Variants in RMDN2 observed in about 807,000 individuals in gnomAD.
The protein encoded by RMDN2 is regulator of microtubule dynamics 2.
In RMDN2, 61 loss-of-function variants were observed where a neutral mutation model predicts 52.8. That is an observed-to-expected ratio of 1.16 (90% confidence interval 0.94 to 1.43). The LOEUF is 1.43. Ranked by LOEUF, RMDN2 falls within the 40% of genes most tolerant of loss-of-function variation. The probability of loss-of-function intolerance (pLI) is 0.00; values close to 1 mark genes in which losing one functional copy is unlikely to be tolerated. For missense variants in RMDN2, 592 were observed against 475.3 expected (o/e 1.25, Z -2.28); for synonymous variants, 180 against 153.1 (o/e 1.18, Z -1.30).
chr2:38,038,693 G>C (rs1680757401), intron 10 of RMDN2, among the ~76,000 whole-genome samples: 1 of 152,196 alleles, frequency 6.6e-6, no homozygotes, highest in African/African-American at 2.4e-5. Context: ...CCCAGTAAAA[G>C]CCTTTTGGAA....
intron 10 of RMDN2, among the ~76,000 whole-genome samples, chr2:38,010,527 C>T (rs557830009): frequency 9.2e-5 from 14 of 152,220 alleles, no homozygotes; most frequent in Non-Finnish European, 7.3e-5. Context: ...GGGATATAAT[C>T]TCCTGGTGTG....
At chr2:37,933,590 C>T (rs1014325774) in intron 2 of RMDN2, among the ~76,000 whole-genome samples, 26 of 152,384 alleles carry the variant, frequency 1.7e-4, no homozygotes, top group African/African-American at 5.5e-4. Flanking sequence ...GCCAACACAG[C>T]GAAACCCCGT....
intron 10 of RMDN2, among the ~76,000 whole-genome samples, chr2:38,010,124 G>T (rs1677739988): frequency 6.6e-6 from 1 of 152,142 alleles, no homozygotes; most frequent in Non-Finnish European, 1.5e-5. Flanking sequence ...TGCCCTTGCT[G>T]GGTGGTGCCT....
At chr2:37,960,430 A>G (rs1670053646) in intron 2 of RMDN2, among the ~76,000 whole-genome samples, 1 of 151,970 alleles carries the variant, frequency 6.6e-6, no homozygotes, top group Non-Finnish European at 1.5e-5. Flanking sequence ...TTGTTGTTTT[A>G]AAGTCTGTTT....
intron 2 of RMDN2, chr2:37,950,378 C>T: frequency 1.4e-6 from 2 of 1,461,252 alleles, no homozygotes; most frequent in South Asian, 1.2e-5. Context: ...GAAAGGTGAG[C>T]TACAGAACAG....
chr2:38,032,012 G>A (rs1045371655), intron 10 of RMDN2, among the ~76,000 whole-genome samples: 1 of 152,100 alleles, frequency 6.6e-6, no homozygotes, highest in African/African-American at 2.4e-5. Flanking sequence ...AAAAAAGTGA[G>A]TGCTCTCTCT....
At chr2:37,970,624 G>T (rs1453995193) in intron 2 of RMDN2, among the ~76,000 whole-genome samples, 1 of 152,004 alleles carries the variant, frequency 6.6e-6, no homozygotes. Flanking sequence ...TGGATATATG[G>T]CAGATTTCAC....
intron 5 of RMDN2, among the ~76,000 whole-genome samples, chr2:37,986,742 G>A (rs1391771418): frequency 6.6e-6 from 1 of 151,992 alleles, no homozygotes; most frequent in East Asian, 1.9e-4. Flanking sequence ...CATTGATAGT[G>A]CAAAGAAAGA....
At chr2:38,017,160 A>T in intron 10 of RMDN2, 26 bp from the exon 11 acceptor site, 1 of 1,422,944 alleles carries the variant, frequency 7.0e-7, no homozygotes, top group Non-Finnish European at 9.5e-7. Flanking sequence ...ATGAAATTTC[A>T]TTATGTATTT....
chr2:37,985,031 C>CA (rs531667416), intron 5 of RMDN2, among the ~76,000 whole-genome samples: 2 of 151,322 alleles, frequency 1.3e-5, no homozygotes, highest in East Asian at 3.9e-4. Flanking sequence ...AAGCAGATTC[C>CA]AAAAAAATAT....
intron 4 of RMDN2, among the ~76,000 whole-genome samples, chr2:37,980,635 TC>T (rs1673184489): frequency 6.6e-6 from 1 of 152,282 alleles, no homozygotes; most frequent in East Asian, 1.9e-4. Flanking sequence ...TAAAAATTCC[TC>T]TAAAACTAAG....
At chr2:38,036,665 A>G (rs336033) in intron 10 of RMDN2, 107,794 of 152,184 alleles carry the variant, frequency 0.71, 39,780 homozygotes, top group African/African-American at 0.92. Flanking sequence ...CATGACAGCA[A>G]TGAAGGCTTT....
intron 7 of RMDN2, among the ~76,000 whole-genome samples, chr2:37,992,054 A>C (rs991266112): frequency 3.3e-5 from 5 of 152,208 alleles, no homozygotes; most frequent in African/African-American, 1.2e-4. Flanking sequence ...TTTATTGAAC[A>C]CCTGCTCTAT....
intron 2 of RMDN2, among the ~76,000 whole-genome samples, chr2:37,968,370 C>T (rs1231508013): frequency 1.4e-5 from 2 of 141,212 alleles, no homozygotes; most frequent in African/African-American, 5.3e-5. Flanking sequence ...AACCCGGAGG[C>T]GTAGGCAGCA....
At position 37,991,208 on chromosome 2, in the gene RMDN2, T is replaced by A. The variant is rs773543513; in HGVS notation, c.868-12T>A. The A allele has an allele frequency of 6.6e-7, 1 of 1,521,994 alleles. No homozygotes were observed. The highest frequency in any genetic ancestry group is 1.2e-5 in the South Asian group (1 of 81,584). 94.3% of individuals were successfully genotyped at this position (1,521,994 alleles called of 1,614,324 possible). ...ACTTGGGAGATGATTTTCCTTTGGA[T>A]GCTTTTTTCAGGAACATCTAGATAT... is the stretch of plus-strand genomic sequence containing the variant. On this transcript the variant is annotated splice_polypyrimidine_tract_variant and intron_variant, in intron 6 of 10. Coordinates refer to ENST00000354545, the MANE Select transcript of RMDN2 (RefSeq NM_001170791.3).
intron 10 of RMDN2, among the ~76,000 whole-genome samples, chr2:38,009,804 A>T: frequency 6.6e-6 from 1 of 151,794 alleles, no homozygotes. Context: ...TAGAGTTTCC[A>T]GTTTTTCTGC....
intron 10 of RMDN2, among the ~76,000 whole-genome samples, chr2:38,053,380 T>C (rs575322325): frequency 1.3e-5 from 2 of 152,308 alleles, no homozygotes; most frequent in Admixed American, 6.5e-5. Flanking sequence ...TTCGTGGGAA[T>C]GTCAAACACA....
intron 10 of RMDN2, among the ~76,000 whole-genome samples, chr2:38,063,599 A>G (rs1039972226): frequency 2.0e-5 from 3 of 152,142 alleles, no homozygotes; most frequent in African/African-American, 7.2e-5. Flanking sequence ...AGAAACTACC[A>G]TCAGAGTGAA....
chr2:37,994,937 C>G (rs1275984132), intron 7 of RMDN2, among the ~76,000 whole-genome samples: 3 of 152,138 alleles, frequency 2.0e-5, no homozygotes, highest in African/African-American at 7.2e-5. Context: ...ATATGAAACT[C>G]TAGAAAAGGC....
Sources: allele counts gnomAD v4.1 joint callset (sites outside exome capture counted in the v4.1 genomes callset), GRCh38; gene constraint gnomAD v4.1.1; transcripts MANE v1.5; gene names NCBI Gene and HGNC (gene_info 2026-07-23, HGNC 2026-07-21).